Variants in PEX5L observed in about 807,000 individuals in gnomAD.
The protein encoded by PEX5L is PEX5-related protein.
Under a neutral mutation model 84.0 loss-of-function variants are expected in PEX5L, and 30 were observed. The ratio of observed to expected loss-of-function variants is 0.36; its 90% confidence interval spans 0.27 to 0.48. The LOEUF is 0.48. Ranked by LOEUF, PEX5L falls within the 20% of genes least tolerant of loss-of-function variation. The pLI is 0.99. For missense variants in PEX5L, 533 were observed against 754.6 expected, an observed-to-expected ratio of 0.71 and a Z score of 3.44; for synonymous variants, 270 against 283.1, an observed-to-expected ratio of 0.95 and a Z score of 0.46.
intron 7 of PEX5L, among the ~76,000 whole-genome samples, chr3:179,865,769 G>A (rs867852867): frequency 6.6e-6 from 1 of 152,122 alleles, no homozygotes; most frequent in Admixed American, 6.6e-5. Flanking sequence ...CGGGGACTCC[G>A]ATTCAGTAGG....
At chr3:179,972,423 A>G (rs1784997228) in intron 1 of PEX5L, among the ~76,000 whole-genome samples, 1 of 152,144 alleles carries the variant, frequency 6.6e-6, no homozygotes, top group Non-Finnish European at 1.5e-5. Context: ...CTTGTGCTAC[A>G]GCAGAAAGAT....
intron 1 of PEX5L, among the ~76,000 whole-genome samples, chr3:180,025,993 C>T (rs546493537): frequency 1.3e-5 from 2 of 152,266 alleles, no homozygotes; most frequent in East Asian, 3.9e-4. Flanking sequence ...ATCATAGACA[C>T]TATGTGGTGA....
chr3:179,819,221 C>T (rs1030605995), intron 9 of PEX5L, among the ~76,000 whole-genome samples: 9 of 152,156 alleles, frequency 5.9e-5, no homozygotes, highest in Non-Finnish European at 8.8e-5. Context: ...TCAGTGTTCC[C>T]CCCAACCCCA....
intron 1 of PEX5L, among the ~76,000 whole-genome samples, chr3:179,992,180 T>C (rs552141814): frequency 1.3e-4 from 20 of 152,310 alleles, no homozygotes; most frequent in African/African-American, 4.8e-4. Flanking sequence ...ATATGCAATA[T>C]ATTCTTCCCA....
chr3:179,887,490 G>C (rs569768652), intron 4 of PEX5L, among the ~76,000 whole-genome samples, 183 bp downstream of exon 4: 1 of 152,252 alleles, frequency 6.6e-6, no homozygotes, highest in South Asian at 2.1e-4. Context: ...CTGCAAAATT[G>C]GTTGGGTAAT....
intron 14 of PEX5L, among the ~76,000 whole-genome samples, chr3:179,805,093 T>C (rs1720709603): frequency 6.7e-6 from 1 of 148,578 alleles, no homozygotes; most frequent in African/African-American, 2.5e-5. Flanking sequence ...CACTCCAGCC[T>C]GGGTGACAGA....
intron 2 of PEX5L, among the ~76,000 whole-genome samples, chr3:179,926,139 AT>A (rs1267879755): frequency 6.6e-6 from 1 of 152,156 alleles, no homozygotes; most frequent in Non-Finnish European, 1.5e-5. Flanking sequence ...AGCAGAGTCA[AT>A]AAATCTTGAA....
intron 1 of PEX5L, among the ~76,000 whole-genome samples, chr3:179,993,485 C>T (rs976699162): frequency 2.0e-5 from 3 of 151,926 alleles, no homozygotes; most frequent in Non-Finnish European, 1.5e-5. Context: ...GCACAACCTC[C>T]CATATATTTA....
rs527800252 is a variant in PEX5L, at chr3:179,936,654, C to T, written c.93+34940G>A. Among the ~76,000 whole-genome samples, 80 of 52,656 alleles carry T rather than the reference C, an allele frequency of 1.5e-3. 23 individuals carry two copies. Among genetic ancestry groups the T allele is most frequent in the Non-Finnish European group, 2.9e-3 (68 of 23,656 alleles). 34.5% of individuals were successfully genotyped at this position (52,656 alleles called of 152,430 possible). ...TGAGGCCTTTGCTAGAAGGGCTGGA[C>T]ACAATTATGTGTAGGTACCCTAGAG... On this transcript the variant is annotated intron_variant, in intron 2 of 14. Transcript: ENST00000467460.
intron 8 of PEX5L, among the ~76,000 whole-genome samples, chr3:179,822,065 C>A (rs1251983479): frequency 6.6e-6 from 1 of 152,114 alleles, no homozygotes; most frequent in East Asian, 1.9e-4. Flanking sequence ...TGGGGTAATT[C>A]ATTTTTTAAA....
intron 8 of PEX5L, among the ~76,000 whole-genome samples, chr3:179,836,525 A>G (rs558580960): frequency 6.6e-6 from 1 of 152,302 alleles, no homozygotes; most frequent in South Asian, 2.1e-4. Flanking sequence ...ATCAGGAGAG[A>G]GAGAAGAGAC....
At chr3:179,812,319 C>T (rs1724206815) in intron 10 of PEX5L, among the ~76,000 whole-genome samples, 2 of 152,146 alleles carry the variant, frequency 1.3e-5, no homozygotes, top group Non-Finnish European at 2.9e-5. Context: ...TAGAAGAATT[C>T]ACAGGAGATT....
At chr3:179,868,042 CTTTTT>C (rs71628101) in intron 7 of PEX5L, among the ~76,000 whole-genome samples, 169 of 116,370 alleles carry the variant, frequency 1.5e-3, no homozygotes, top group Middle Eastern at 4.7e-3. Flanking sequence ...TCTTCTTCTT[CTTTTT>C]TTTTTTTTTT....
intron 14 of PEX5L, among the ~76,000 whole-genome samples, chr3:179,806,990 T>C (rs1018534426): frequency 2.0e-5 from 3 of 151,738 alleles, no homozygotes; most frequent in Non-Finnish European, 2.9e-5. Context: ...ATTTAGAAAA[T>C]AGAAAAAATG....
intron 5 of PEX5L, among the ~76,000 whole-genome samples, chr3:179,879,346 C>T (rs1211399177): frequency 6.6e-6 from 1 of 152,176 alleles, no homozygotes; most frequent in Non-Finnish European, 1.5e-5. Context: ...AACTGTTCTT[C>T]TTATAAACTG....
chr3:179,923,255 C>T (rs373166798), intron 2 of PEX5L, among the ~76,000 whole-genome samples: 1 of 143,984 alleles, frequency 6.9e-6, no homozygotes, highest in African/African-American at 2.6e-5. Context: ...CGCGCCACTG[C>T]ACTCCAGCCT....
chr3:179,827,343 G>A (rs1730904911), intron 8 of PEX5L, among the ~76,000 whole-genome samples: 1 of 152,156 alleles, frequency 6.6e-6, no homozygotes, highest in African/African-American at 2.4e-5. Flanking sequence ...AGCCTCAAAG[G>A]CCCCATGGAG....
At chr3:179,824,792 C>T (rs1729807540) in intron 8 of PEX5L, among the ~76,000 whole-genome samples, 2 of 151,748 alleles carry the variant, frequency 1.3e-5, no homozygotes, top group South Asian at 2.1e-4. Context: ...TAAAAATTTG[C>T]CCCAACAAAC....
At chr3:179,945,736 G>C (rs1231942826) in intron 2 of PEX5L, among the ~76,000 whole-genome samples, 1 of 152,190 alleles carries the variant, frequency 6.6e-6, no homozygotes, top group African/African-American at 2.4e-5. Flanking sequence ...CTCTTGGCGT[G>C]GAGCTTTCTG....
Sources: allele counts gnomAD v4.1 joint callset (sites outside exome capture counted in the v4.1 genomes callset), GRCh38; gene constraint gnomAD v4.1.1; transcripts MANE v1.5; gene names NCBI Gene and HGNC (gene_info 2026-07-23, HGNC 2026-07-21).